Variants in DEPDC4 observed in about 807,000 individuals in gnomAD.
DEPDC4 encodes the protein DEP domain-containing protein 4.
A neutral mutation model predicts 52.0 loss-of-function variants in DEPDC4; 52 were observed. The ratio of observed to expected loss-of-function variants is 1.00; its 90% CI spans 0.80 to 1.26. The LOEUF is 1.26. Among genes scored for constraint, DEPDC4 ranks in the 50% most tolerant of loss-of-function variants. The pLI, the probability that DEPDC4 is intolerant of heterozygous loss-of-function variation, is 0.00. For synonymous variants in DEPDC4, 201 were observed against 196.8 expected (o/e 1.02, Z -0.18); for missense variants, 530 against 546.9 (o/e 0.97, Z 0.31).
chr12:100,249,056 C>T (rs1386033322), intron 7 of DEPDC4, 78 bp from the exon 8 acceptor site: 1 of 567,830 alleles, frequency 1.8e-6, no homozygotes, highest in African/African-American at 2.0e-5. Context: ...AGAAAAACAT[C>T]TCAATATTTT....
chr12:100,264,748 A>G (rs1203294057), intron 1 of DEPDC4, among the ~76,000 whole-genome samples: 1 of 152,142 alleles, frequency 6.6e-6, no homozygotes, highest in Non-Finnish European at 1.5e-5. Context: ...ACTTGAATAT[A>G]ACCCAATTAT....
intron 9 of DEPDC4, among the ~76,000 whole-genome samples, chr12:100,232,937 C>A (rs555770704): frequency 6.6e-6 from 1 of 151,962 alleles, no homozygotes; most frequent in African/African-American, 2.4e-5. Flanking sequence ...ACAGGCCTGG[C>A]GGGTGAGAGG....
intron 8 of DEPDC4, among the ~76,000 whole-genome samples, chr12:100,244,085 C>CTGTA (rs2153905113): frequency 3.3e-5 from 1 of 30,524 alleles, no homozygotes; most frequent in East Asian, 2.5e-3. Flanking sequence ...CTCTCTCTCT[C>CTGTA]TCTCTCTGTG....
intron 1 of DEPDC4, among the ~76,000 whole-genome samples, chr12:100,266,321 A>G (rs828929): frequency 0.31 from 46,794 of 151,956 alleles, 7,923 homozygotes; most frequent in African/African-American, 0.4. Flanking sequence ...CTAATCACTC[A>G]AGAAATCTTA....
Position 100,256,081 on chromosome 12 carries a change from G to C in DEPDC4, c.846C>G (p.Asp282Glu), listed in dbSNP as rs753960746. The C allele has an allele frequency of 6.2e-7, 1 of 1,612,468 alleles. No homozygotes were observed. The highest frequency in any genetic ancestry group is 2.2e-5 in the East Asian group (1 of 44,710). ...GACATAAGCTTGGAATAAGTTCTCT[G>C]TCTAGGCAAGTGTTAGTGATAACAA... ...EDLVITNTCL[D>E]RELIPSLCLP... Residue 282 changes from aspartate (D) to glutamate (E), a missense_variant, in exon 4 of 10, where the codon GAC becomes GAG. Coordinates refer to ENST00000550587, the MANE Select transcript of DEPDC4 (RefSeq NM_001364818.2).
At chr12:100,267,329 C>T, upstream of DEPDC4, 1 of 396,370 alleles carries the variant, frequency 2.5e-6, no homozygotes, top group Non-Finnish European at 4.5e-6. Flanking sequence ...CAGGAACAGC[C>T]AGGAGGCGTT....
chr12:100,264,343 CTAAA>C (rs1174722513), intron 1 of DEPDC4, among the ~76,000 whole-genome samples: 1 of 152,056 alleles, frequency 6.6e-6, no homozygotes, highest in African/African-American at 2.4e-5. Flanking sequence ...AGGCAAAGAA[CTAAA>C]TAATCAATTT....
chr12:100,274,724 A>T, the DEPDC4 span, among the ~76,000 whole-genome samples: 2 of 152,246 alleles, frequency 1.3e-5, no homozygotes, highest in East Asian at 3.8e-4. Context: ...ATTGTGAACA[A>T]AGAAGTGGTT....
At chr12:100,238,147 C>A, downstream of DEPDC4, 1 of 697,328 alleles carries the variant, frequency 1.4e-6, no homozygotes. Flanking sequence ...CAGATTAGGG[C>A]AGTTTTATCT....
At chr12:100,256,587 T>C (rs1374652779) in intron 3 of DEPDC4, among the ~76,000 whole-genome samples, 1 of 151,980 alleles carries the variant, frequency 6.6e-6, no homozygotes, top group African/African-American at 2.4e-5. Context: ...TCTTTCTATT[T>C]ATAGCAACAT....
chr12:100,259,857 C>T (rs771911790), intron 3 of DEPDC4, among the ~76,000 whole-genome samples: 5 of 151,858 alleles, frequency 3.3e-5, no homozygotes, highest in Non-Finnish European at 7.4e-5. Flanking sequence ...GCTATTTGAA[C>T]GGTTACGTTA....
At chr12:100,242,937 A>T (rs1044791609) in intron 8 of DEPDC4, among the ~76,000 whole-genome samples, 11 of 152,196 alleles carry the variant, frequency 7.2e-5, no homozygotes, top group Non-Finnish European at 1.2e-4. Context: ...AAGGAAATAC[A>T]GTAATTCACC....
intron 7 of DEPDC4, among the ~76,000 whole-genome samples, chr12:100,250,115 T>G (rs2096201674): frequency 6.6e-6 from 1 of 152,118 alleles, no homozygotes; most frequent in Non-Finnish European, 1.5e-5. Flanking sequence ...AAACCAACTA[T>G]CAGGGCCCTT....
At chr12:100,259,081 A>AT (rs1555312803) in intron 3 of DEPDC4, among the ~76,000 whole-genome samples, 1,616 of 149,172 alleles carry the variant, frequency 0.011, 8 homozygotes, top group African/African-American at 0.014. Context: ...AAAAAAAAAA[A>AT]ATATATATAT....
At chr12:100,255,623 T>G (rs11110319) in intron 4 of DEPDC4, among the ~76,000 whole-genome samples, 1,981 of 152,342 alleles carry the variant, frequency 0.013, 47 homozygotes, top group African/African-American at 0.044. Context: ...TTTAATCTCT[T>G]ATCTACAAAT....
intron 1 of DEPDC4, among the ~76,000 whole-genome samples, chr12:100,264,979 A>G (rs2096266435): frequency 1.3e-5 from 2 of 152,214 alleles, no homozygotes; most frequent in South Asian, 4.1e-4. Flanking sequence ...TTGCTGAGAA[A>G]TAATGAAAAC....
rs1450417887 is a variant in DEPDC4 at position 100,242,522 on chromosome 12, C to T, written c.*10G>A. The T allele has an allele frequency of 6.5e-6, 1 of 154,766 alleles. No homozygotes were observed. Among genetic ancestry groups the T allele is most frequent in the Non-Finnish European group, 1.5e-5 (1 of 68,222 alleles). 9.6% of individuals were successfully genotyped at this position (154,766 alleles called of 1,614,324 possible). On this transcript the variant is annotated 3_prime_UTR_variant, in exon 9 of 10. Transcript: ENST00000550587. Reference sequence around the variant, plus strand: ...CTTTTGGTACTTTTTCTCATTAAATCTCCAGTATCCTAAGCTGTAGATGTG... The same window carrying T: ...CTTTTGGTACTTTTTCTCATTAAATTTCCAGTATCCTAAGCTGTAGATGTG...
chr12:100,256,335 C>A, intron 3 of DEPDC4, 109 bp from the exon 4 acceptor site: 1 of 713,650 alleles, frequency 1.4e-6, no homozygotes, highest in Non-Finnish European at 2.2e-6. Context: ...AAAACTAGTT[C>A]AGTAGTAATA....
Position 100,252,298 on chromosome 12 carries a change from C to A in DEPDC4, c.1252G>T (p.Asp418Tyr). 1 of 1,462,144 alleles carries A rather than the reference C, an allele frequency of 6.8e-7. No homozygotes were observed. The allele number at this position is 1,462,144 out of a possible 1,614,324, so 90.6% of individuals were successfully genotyped here. The change falls in exon 7 of 10, where the codon GAT (aspartate) becomes TAT (tyrosine). Residue 418 changes from aspartate (D) to tyrosine (Y), a missense_variant. By Grantham distance (160) the Asp-to-Tyr change is radical. Coordinates refer to ENST00000550587, the MANE Select transcript of DEPDC4 (RefSeq NM_001364818.2). ...GTTTTCAGGACCACTGTTTTATTAT[C>A]ATACTGTAAACAGAAAGATTAACAT... is the stretch of plus-strand genomic sequence containing the variant. ...PNAYKLQKQY[D>Y]NKTVVLKTLA...
Sources: gnomAD v4.1 joint callset for allele counts (sites outside exome capture counted in the v4.1 genomes callset) on GRCh38, gnomAD v4.1.1 for gene constraint, MANE v1.5 for transcripts, NCBI Gene and HGNC (gene_info 2026-07-23, HGNC 2026-07-21) for gene names.